STARD13: variants seen among roughly 807,000 people sequenced by gnomAD.
STARD13 encodes StAR related lipid transfer domain containing 13, also known as stAR-related lipid transfer protein 13.
A neutral mutation model predicts 106.4 loss-of-function variants in STARD13; 62 were observed. That is an observed-to-expected ratio of 0.58 (90% CI 0.48 to 0.72). The LOEUF (loss-of-function observed/expected upper bound fraction) is 0.72. Among genes scored for constraint, STARD13 ranks in the 30% least tolerant of loss-of-function variants. STARD13 has a pLI of 0.00. For missense variants in STARD13, 1,387 were observed against 1,424.0 expected, an observed-to-expected ratio of 0.97 and a Z score of 0.42; for synonymous variants, 565 against 553.0, an observed-to-expected ratio of 1.02 and a Z score of -0.31.
At chr13:33,675,875 A>C in the STARD13 span, among the ~76,000 whole-genome samples, 1 of 152,202 alleles carries the variant, frequency 6.6e-6, no homozygotes, top group Non-Finnish European at 1.5e-5. Context: ...GAACAGATCA[A>C]TGAGCTAGCT....
the STARD13 span, among the ~76,000 whole-genome samples, chr13:33,507,535 G>T: frequency 1.3e-5 from 2 of 152,252 alleles, no homozygotes; most frequent in Admixed American, 1.3e-4. Flanking sequence ...TGAGGCCAAA[G>T]TGTATGAGAG....
At chr13:33,247,039 A>G (rs995460507) in intron 1 of STARD13, among the ~76,000 whole-genome samples, 19 of 152,072 alleles carry the variant, frequency 1.2e-4, no homozygotes, top group African/African-American at 4.6e-4. Flanking sequence ...TCTAGTAAAA[A>G]TACAAAAATT....
the STARD13 span, among the ~76,000 whole-genome samples, chr13:33,494,430 A>G: frequency 6.6e-6 from 1 of 152,092 alleles, no homozygotes; most frequent in Non-Finnish European, 1.5e-5. Context: ...CATGCTTCCC[A>G]TAAATATTTG....
chr13:33,297,449 C>T (rs542576453), intron 1 of STARD13, among the ~76,000 whole-genome samples: 3 of 152,278 alleles, frequency 2.0e-5, no homozygotes, highest in African/African-American at 7.2e-5. Flanking sequence ...TTGGGAATCT[C>T]AAGGGCTGTC....
chr13:33,388,135 G>T, the STARD13 span, among the ~76,000 whole-genome samples: 1 of 152,170 alleles, frequency 6.6e-6, no homozygotes, highest in Non-Finnish European at 1.5e-5. Flanking sequence ...ACCACCAGAG[G>T]CGTTAAAATT....
the STARD13 span, among the ~76,000 whole-genome samples, chr13:33,361,735 A>C: frequency 3.9e-5 from 6 of 152,154 alleles, no homozygotes; most frequent in Non-Finnish European, 8.8e-5. Flanking sequence ...ATTGCTACAC[A>C]CTTTTAAACA....
chr13:33,461,074 C>T, the STARD13 span, among the ~76,000 whole-genome samples: 241 of 152,148 alleles, frequency 1.6e-3, no homozygotes, highest in African/African-American at 5.4e-3. Flanking sequence ...CTGTGGTTGC[C>T]TGGGGATGAC....
At chr13:33,553,474 TGAG>T in the STARD13 span, among the ~76,000 whole-genome samples, 320 of 152,058 alleles carry the variant, frequency 2.1e-3, 1 homozygote, top group African/African-American at 7.2e-3. Context: ...TAACTTTTCA[TGAG>T]GAGATTAATG....
chr13:33,642,022 G>T, the STARD13 span, among the ~76,000 whole-genome samples: 1 of 152,176 alleles, frequency 6.6e-6, no homozygotes, highest in Non-Finnish European at 1.5e-5. Flanking sequence ...TAGGCTCTTT[G>T]AAAATAGTAA....
chr13:33,282,125 G>A (rs758087958), intron 1 of STARD13, among the ~76,000 whole-genome samples: 3 of 152,012 alleles, frequency 2.0e-5, no homozygotes, highest in Non-Finnish European at 4.4e-5. Context: ...AGGCAAATAA[G>A]GACCATTCTT....
the STARD13 span, among the ~76,000 whole-genome samples, chr13:33,594,785 T>C: frequency 6.6e-6 from 1 of 152,246 alleles, no homozygotes; most frequent in Non-Finnish European, 1.5e-5. Flanking sequence ...CCTTTGTGAC[T>C]GGTTCACTGA....
chr13:33,276,547 TA>T (rs1364657952), intron 1 of STARD13: 2 of 152,330 alleles, frequency 1.3e-5, no homozygotes, highest in East Asian at 3.9e-4. Context: ...ATTTTATGAC[TA>T]TACATACTTT....
the STARD13 span, among the ~76,000 whole-genome samples, chr13:33,632,723 G>A: frequency 6.6e-6 from 1 of 152,028 alleles, no homozygotes; most frequent in African/African-American, 2.4e-5. Flanking sequence ...TATTTCAGGG[G>A]AAATAAATCA....
chr13:33,376,282 C>T, the STARD13 span, among the ~76,000 whole-genome samples: 1 of 152,120 alleles, frequency 6.6e-6, no homozygotes. Context: ...ATGCCAGGTA[C>T]TGTTCTAAAG....
At chr13:33,528,766 A>T in the STARD13 span, among the ~76,000 whole-genome samples, 4 of 152,022 alleles carry the variant, frequency 2.6e-5, no homozygotes, top group Non-Finnish European at 1.5e-5. Context: ...TTTTCATCAT[A>T]GTAACGATCA....
intron 1 of STARD13, among the ~76,000 whole-genome samples, chr13:33,220,267 A>G (rs1241167747): frequency 6.6e-6 from 1 of 152,272 alleles, no homozygotes; most frequent in Non-Finnish European, 1.5e-5. Context: ...CCTCAGGGTC[A>G]TGAAACACAT....
At chr13:33,430,884 T>C in the STARD13 span, among the ~76,000 whole-genome samples, 16 of 152,080 alleles carry the variant, frequency 1.1e-4, no homozygotes, top group African/African-American at 2.2e-4. Flanking sequence ...GAAGACAGAA[T>C]AGACTGGAGA....
chr13:33,579,442 C>A, the STARD13 span, among the ~76,000 whole-genome samples: 1 of 151,848 alleles, frequency 6.6e-6, no homozygotes, highest in African/African-American at 2.4e-5. Flanking sequence ...AGCTAAGCTA[C>A]AGGTACACAA....
chr13:33,427,264 C>T, the STARD13 span, among the ~76,000 whole-genome samples: 3 of 152,282 alleles, frequency 2.0e-5, no homozygotes, highest in Admixed American at 2.0e-4. Context: ...TAGACTCAAA[C>T]TCAGGCCTCT....
Sources: gnomAD v4.1 joint callset for allele counts (sites outside exome capture counted in the v4.1 genomes callset) on GRCh38, gnomAD v4.1.1 for gene constraint, MANE v1.5 for transcripts, NCBI Gene and HGNC (gene_info 2026-07-23, HGNC 2026-07-21) for gene names.